Variants in CNIH3 observed in about 807,000 individuals in gnomAD.
CNIH3 encodes protein cornichon homolog 3.
CNIH3 carries 14 observed loss-of-function variants against 24.1 expected under a neutral mutation model. The observed-to-expected ratio is 0.58, with a 90% confidence interval of 0.38 to 0.91. The LOEUF (loss-of-function observed/expected upper bound fraction) is 0.91. Ranked by LOEUF, CNIH3 falls within the 40% of genes least tolerant of loss-of-function variation. The probability of loss-of-function intolerance (pLI) is 0.00; values close to 1 mark genes in which losing one functional copy is unlikely to be tolerated. For synonymous variants in CNIH3, 68 were observed against 73.8 expected, an observed-to-expected ratio of 0.92 and a Z score of 0.40; for missense variants, 178 against 196.8, an observed-to-expected ratio of 0.90 and a Z score of 0.57.
chr1:224,540,178 T>TA (rs1679458619), downstream of CNIH3, among the ~76,000 whole-genome samples: 1 of 152,234 alleles, frequency 6.6e-6, no homozygotes, highest in Admixed American at 6.5e-5. Flanking sequence ...CGGGCCAACT[T>TA]ACATGGAAAT....
At chr1:224,631,923 A>G (rs1485298974) in intron 1 of CNIH3, among the ~76,000 whole-genome samples, 2 of 152,220 alleles carry the variant, frequency 1.3e-5, no homozygotes, top group African/African-American at 4.8e-5. Context: ...TCCCCTATAT[A>G]ATAGAGACAT....
At chr1:224,696,474 C>G (rs968692459) in intron 3 of CNIH3, among the ~76,000 whole-genome samples, 1 of 152,164 alleles carries the variant, frequency 6.6e-6, no homozygotes, top group Non-Finnish European at 1.5e-5. Context: ...TGGAGGAAGT[C>G]GGTCAGCAGC....
At chr1:224,461,007 CTTT>C (rs1401791707) in intron 1 of CNIH3, among the ~76,000 whole-genome samples, 1 of 141,652 alleles carries the variant, frequency 7.1e-6, no homozygotes. Context: ...TTAATTTTTT[CTTT>C]TTTTTTTTTT....
intron 1 of CNIH3, among the ~76,000 whole-genome samples, chr1:224,676,138 A>G (rs1425576405): frequency 2.0e-5 from 3 of 152,246 alleles, no homozygotes; most frequent in Non-Finnish European, 4.4e-5. Context: ...CGTTTGTACA[A>G]TGGAATACTA....
At chr1:224,722,219 T>C (rs746744414) in intron 3 of CNIH3, among the ~76,000 whole-genome samples, 16 of 152,194 alleles carry the variant, frequency 1.1e-4, no homozygotes, top group Non-Finnish European at 1.9e-4. Flanking sequence ...CCAGGTGTTA[T>C]GGCCCGGTGA....
At chr1:224,672,018 C>A (rs551807450) in intron 1 of CNIH3, among the ~76,000 whole-genome samples, 1 of 152,100 alleles carries the variant, frequency 6.6e-6, no homozygotes, top group Non-Finnish European at 1.5e-5. Context: ...ATGTTATAAC[C>A]AATAAAATCA....
At chr1:224,662,698 A>G (rs1205849449) in intron 1 of CNIH3, among the ~76,000 whole-genome samples, 1 of 152,206 alleles carries the variant, frequency 6.6e-6, no homozygotes, top group African/African-American at 2.4e-5. Flanking sequence ...TTTTATTTAT[A>G]AGCCAATTTG....
rs148581060 is a variant in CNIH3, at chr1:224,536,369, G to A, written n.344-567G>A. Among the ~76,000 whole-genome samples, 501 of 136,638 alleles carry A rather than the reference G, an allele frequency of 3.7e-3. 4 individuals are homozygous for A. Among genetic ancestry groups the A allele is most frequent in the African/African-American group, 0.014 (481 of 35,266 alleles). 89.6% of individuals were successfully genotyped at this position (136,638 alleles called of 152,430 possible). A position where few individuals can be genotyped will look rare whatever the true frequency, so the allele number is the denominator to read the frequency against. ...TACAATGGCGTGATCTCAGCTCACC[G>A]TAACCTCTGCCTCCTGCGTTCAAGC... On this transcript the variant is annotated intron_variant and non_coding_transcript_variant, in intron 2 of 2. Coordinates refer to the CNIH3 transcript ENST00000470602.
At chr1:224,715,103 G>A (rs764529216) in intron 3 of CNIH3, among the ~76,000 whole-genome samples, 35 of 152,056 alleles carry the variant, frequency 2.3e-4, no homozygotes, top group Non-Finnish European at 1.2e-4. Context: ...TGCTTTCCAC[G>A]GCCACACTTT....
chr1:224,434,875 T>A, intron 1 of CNIH3: 1 of 985,066 alleles, frequency 1.0e-6, no homozygotes. Context: ...ATGGAACCTA[T>A]AGGGGGCCTG....
chr1:224,436,662 A>G (rs1016628867), intron 1 of CNIH3, among the ~76,000 whole-genome samples: 1 of 152,236 alleles, frequency 6.6e-6, no homozygotes, highest in African/African-American at 2.4e-5. Context: ...ACACAGCTTG[A>G]GAATCTGTTA....
intron 1 of CNIH3, among the ~76,000 whole-genome samples, chr1:224,474,902 G>A (rs1558091184): frequency 6.6e-6 from 1 of 150,854 alleles, no homozygotes; most frequent in African/African-American, 2.4e-5. Context: ...AAAGCCGGTC[G>A]TGGCAGTGGG....
intron 1 of CNIH3, among the ~76,000 whole-genome samples, chr1:224,454,783 G>A (rs1053694384): frequency 6.6e-6 from 1 of 152,302 alleles, no homozygotes; most frequent in African/African-American, 2.4e-5. Flanking sequence ...ACCTGGCTGA[G>A]TGCAGGGCTT....
At chr1:224,713,406 G>A (rs907385534) in intron 3 of CNIH3, among the ~76,000 whole-genome samples, 5 of 152,180 alleles carry the variant, frequency 3.3e-5, no homozygotes, top group African/African-American at 9.7e-5. Flanking sequence ...ATGTGTGCAG[G>A]TTCAGGGGTT....
At chr1:224,629,641 A>G (rs1391305855) in intron 1 of CNIH3, among the ~76,000 whole-genome samples, 1 of 152,058 alleles carries the variant, frequency 6.6e-6, no homozygotes, top group Admixed American at 6.5e-5. Context: ...CCCTGCCTCT[A>G]GTTCTCTTGT....
chr1:224,683,225 A>T (rs748163961), intron 2 of CNIH3, among the ~76,000 whole-genome samples: 4 of 152,208 alleles, frequency 2.6e-5, no homozygotes, highest in Non-Finnish European at 5.9e-5. Flanking sequence ...TAGTAAACTG[A>T]TTAATTAAGG....
chr1:224,690,861 G>A (rs1686895817), intron 3 of CNIH3, among the ~76,000 whole-genome samples: 1 of 152,088 alleles, frequency 6.6e-6, no homozygotes. Context: ...TACCGGAAAT[G>A]CAGTGGTGAT....
downstream of CNIH3, among the ~76,000 whole-genome samples, chr1:224,593,234 C>A (rs558136501): frequency 1.3e-5 from 2 of 151,506 alleles, no homozygotes; most frequent in East Asian, 3.9e-4. Context: ...CAGCTCACTG[C>A]AACCTCCATC....
At chr1:224,489,330 T>C (rs1465314959) in intron 1 of CNIH3, among the ~76,000 whole-genome samples, 1 of 152,244 alleles carries the variant, frequency 6.6e-6, no homozygotes, top group Non-Finnish European at 1.5e-5. Context: ...TCCCCCTTTC[T>C]GGCCCTCTCC....
Sources: gnomAD v4.1 joint callset for allele counts (sites outside exome capture counted in the v4.1 genomes callset) on GRCh38, gnomAD v4.1.1 for gene constraint, MANE v1.5 for transcripts, NCBI Gene and HGNC (gene_info 2026-07-23, HGNC 2026-07-21) for gene names.